The following PRRC2B variants were observed in gnomAD, a reference collection of about 807,000 sequenced individuals.
PRRC2B encodes protein PRRC2B.
A neutral mutation model predicts 242.3 loss-of-function variants in PRRC2B; 68 were observed. The ratio of observed to expected loss-of-function variants is 0.28; its 90% CI spans 0.23 to 0.34. The LOEUF is 0.34. PRRC2B is among the 10% of genes least tolerant of loss of function. The probability of loss-of-function intolerance (pLI) is 1.00; values close to 1 mark genes in which losing one functional copy is unlikely to be tolerated. For synonymous variants in PRRC2B, 1,228 were observed against 1,173.6 expected, an observed-to-expected ratio of 1.05 and a Z score of -0.95; for missense variants, 2,835 against 2,954.8, an observed-to-expected ratio of 0.96 and a Z score of 0.94.
At chr9:131,387,881 A>G (rs897215838) in intron 1 of PRRC2B, among the ~76,000 whole-genome samples, 9 of 150,910 alleles carry the variant, frequency 6.0e-5, no homozygotes, top group African/African-American at 2.2e-4. Context: ...TATTTTTGAT[A>G]TAGTAGGCTA....
chr9:131,456,657 C>A (rs1041637015), intron 10 of PRRC2B, among the ~76,000 whole-genome samples: 1 of 151,564 alleles, frequency 6.6e-6, no homozygotes, highest in African/African-American at 2.4e-5. Context: ...AAATACCCCA[C>A]AATTAGTTGG....
At chr9:131,492,984 C>T (rs1459916293) in intron 30 of PRRC2B, among the ~76,000 whole-genome samples, 1 of 152,188 alleles carries the variant, frequency 6.6e-6, no homozygotes, top group East Asian at 1.9e-4. Flanking sequence ...TGAAACAGAC[C>T]TGCCTGACCC....
At chr9:131,396,263 TCTCC>T (rs1487316841) in intron 1 of PRRC2B, among the ~76,000 whole-genome samples, 2 of 151,826 alleles carry the variant, frequency 1.3e-5, no homozygotes, top group African/African-American at 2.4e-5. Context: ...CCTCTTCCTC[TCTCC>T]CTCCCTCCCT....
chr9:131,461,434 C>T (rs1287227128), intron 11 of PRRC2B, among the ~76,000 whole-genome samples: 1 of 152,312 alleles, frequency 6.6e-6, no homozygotes, highest in South Asian at 2.1e-4. Context: ...ATTGCCACAC[C>T]TAGTGACTCT....
upstream of PRRC2B, among the ~76,000 whole-genome samples, chr9:131,390,415 T>C (rs1391312773): frequency 6.9e-6 from 1 of 144,660 alleles, no homozygotes; most frequent in Admixed American, 7.6e-5. Context: ...GTCAGGGAGG[T>C]AGGAGATGGC....
Position 131,498,280 on chromosome 9 carries a change from A to G in PRRC2B, c.*2406A>G, listed in dbSNP as rs1038044483. On this transcript the variant is annotated 3_prime_UTR_variant, in exon 32 of 32. Coordinates refer to ENST00000683519, the MANE Select transcript of PRRC2B (RefSeq NM_013318.4). ...ATGTTGTAGGTCTAGGTGAAAAAAA[A>G]AGAAGTAAATGTTTCACTGCTCTAT... The G allele has an allele frequency of 6.6e-6, 1 of 152,148 alleles. No individual in the cohort carries two copies. Among genetic ancestry groups the G allele is most frequent in the Non-Finnish European group, 1.5e-5 (1 of 68,014 alleles). 9.4% of individuals were successfully genotyped at this position (152,148 alleles called of 1,614,324 possible).
intron 1 of PRRC2B, among the ~76,000 whole-genome samples, chr9:131,425,144 C>T (rs1351976912): frequency 6.6e-6 from 1 of 152,096 alleles, no homozygotes; most frequent in Non-Finnish European, 1.5e-5. Flanking sequence ...CACCACCATG[C>T]CTGGCTCCTT....
intron 1 of PRRC2B, among the ~76,000 whole-genome samples, chr9:131,426,385 A>G (rs1312987368): frequency 1.3e-5 from 2 of 151,894 alleles, no homozygotes; most frequent in Non-Finnish European, 2.9e-5. Context: ...GAAGAAGAAG[A>G]AAGGAAAATC....
chr9:131,488,701 A>T (rs1051802328), intron 28 of PRRC2B, among the ~76,000 whole-genome samples: 9 of 152,118 alleles, frequency 5.9e-5, no homozygotes, highest in Non-Finnish European at 7.4e-5. Context: ...CTCTTTGTGT[A>T]GTTGTTGATG....
chr9:131,453,018 AGT>A (rs942858697), intron 9 of PRRC2B, among the ~76,000 whole-genome samples: 8 of 152,238 alleles, frequency 5.3e-5, no homozygotes, highest in African/African-American at 1.9e-4. Flanking sequence ...AGTTAAGGAA[AGT>A]GAGATGTTAA....
At position 131,447,164 on chromosome 9, in the gene PRRC2B, C is replaced by G. The variant is rs1838828909; in HGVS notation, c.935C>G (p.Pro312Arg). 2.5e-6 allele frequency: 4 copies of G among 1,613,860 alleles called. No homozygotes were observed. Among genetic ancestry groups the G allele is most frequent in the Non-Finnish European group, 2.5e-6 (3 of 1,179,892 alleles). The stretch of plus-strand genomic sequence containing the variant: ...CCCCTTCCTCAGCTCCGCCTTGAAC[C>G]TCGAGTTCCTTTTAGACAGTTCCAG... Reference protein sequence around the residue: ...SFPLPQLRLEPRVPFRQFQMN... With the variant: ...SFPLPQLRLERRVPFRQFQMN... The change falls in exon 8 of 32, where the codon CCT becomes CGT. Residue 312 changes from proline to arginine, a missense_variant. By Grantham distance (103) the Pro-to-Arg change is moderately radical. Transcript: ENST00000683519.
At chr9:131,492,542 T>C (rs946821250) in intron 30 of PRRC2B, among the ~76,000 whole-genome samples, 4 of 152,192 alleles carry the variant, frequency 2.6e-5, no homozygotes, top group African/African-American at 9.7e-5. Flanking sequence ...GGCTGACATT[T>C]AGTAGGCATC....
intron 25 of PRRC2B, 126 bp from the exon 26 acceptor site, chr9:131,485,959 T>A: frequency 1.4e-6 from 1 of 736,180 alleles, no homozygotes; most frequent in Non-Finnish European, 2.4e-6. Flanking sequence ...GCAGCCTCTG[T>A]ACACACGCCC....
intron 2 of PRRC2B, among the ~76,000 whole-genome samples, chr9:131,430,595 G>GTGTATA (rs1554759941): frequency 7.2e-6 from 1 of 138,500 alleles, no homozygotes; most frequent in African/African-American, 2.9e-5. Context: ...GTGTGTGTGT[G>GTGTATA]TATATATATG....
At chr9:131,462,715 G>T (rs1943276124) in intron 11 of PRRC2B, among the ~76,000 whole-genome samples, 1 of 150,748 alleles carries the variant, frequency 6.6e-6, no homozygotes, top group Admixed American at 6.6e-5. Flanking sequence ...CCGCACGCCG[G>T]TATTCCCAGC....
chr9:131,484,555 G>A (rs1271558487), intron 23 of PRRC2B, 131 bp from the exon 24 acceptor site: 15 of 657,026 alleles, frequency 2.3e-5, no homozygotes, highest in Non-Finnish European at 3.9e-5. Context: ...GAAAAGCCAT[G>A]GATGGGTTTG....
Position 131,430,243 on chromosome 9 carries a change from C to A in PRRC2B, c.99C>A (p.Asp33Glu). 4 of 1,593,354 alleles carry A rather than the reference C, an allele frequency of 2.5e-6. No individual in the cohort carries two copies. Among genetic ancestry groups the A allele is most frequent in the Non-Finnish European group, 3.4e-6 (4 of 1,168,354 alleles). ...ATAAGTATAAAGGAAAATCAGTAGA[C>A]GCGATTAGATCCTCAGGTAAGGCCC... ...LFDKYKGKSVDAIRSSVIPRH... is the reference protein window; with the variant it reads ...LFDKYKGKSVEAIRSSVIPRH... Residue 33 changes from aspartate (D) to glutamate (E), a missense_variant, in exon 2 of 32, where the codon GAC (aspartate) becomes GAA (glutamate). Physicochemically the swap from Asp to Glu is conservative, Grantham distance 45. This residue lies in a region of PRRC2B where 626 missense variants were observed against 685.5 expected (regional missense o/e 0.91). Coordinates refer to ENST00000683519, the MANE Select transcript of PRRC2B (RefSeq NM_013318.4).
Position 131,420,770 on chromosome 9 carries a change from G to A in PRRC2B, c.-51-9324G>A, listed in dbSNP as rs150946573. Among the ~76,000 whole-genome samples the A allele has an allele frequency of 2.9e-3, 439 of 151,834 alleles. 1 individual carries two copies. The highest frequency in any genetic ancestry group is 0.014 in the Middle Eastern group (4 of 294). Reference sequence around the variant, plus strand: ...AGTGCTAGGATTACAGGTGTGAACCGCCACACCTGGCCTACCCTTGCTTTT... The same window carrying A: ...AGTGCTAGGATTACAGGTGTGAACCACCACACCTGGCCTACCCTTGCTTTT... On this transcript the variant is annotated intron_variant, in intron 1 of 31. Transcript: ENST00000683519.
chr9:131,443,817 C>T (rs1291973401), intron 5 of PRRC2B, among the ~76,000 whole-genome samples: 1 of 152,184 alleles, frequency 6.6e-6, no homozygotes, highest in Admixed American at 6.5e-5. Context: ...AAAGCAGTTG[C>T]CTTCTTGGCC....
Sources: allele counts gnomAD v4.1 joint callset (sites outside exome capture counted in the v4.1 genomes callset), GRCh38; gene constraint gnomAD v4.1.1; regional missense constraint gnomAD v4.1.1; transcripts MANE v1.5; gene names NCBI Gene and HGNC (gene_info 2026-07-23, HGNC 2026-07-21).